Variants in RBFOX1 observed in about 807,000 individuals in gnomAD.
RBFOX1 encodes RNA binding protein fox-1 homolog 1.
A neutral mutation model predicts 57.7 loss-of-function variants in RBFOX1; 8 were observed. The ratio of observed to expected loss-of-function variants is 0.14; its 90% confidence interval spans 0.08 to 0.25. The LOEUF (loss-of-function observed/expected upper bound fraction) is 0.25, where lower values mean the gene tolerates loss of function less well. Ranked by LOEUF, RBFOX1 falls within the 10% of genes least tolerant of loss-of-function variation. RBFOX1 has a pLI of 1.00. For missense variants in RBFOX1, 611 were observed against 548.5 expected (o/e 1.11, Z -1.14); for synonymous variants, 326 against 222.4 (o/e 1.47, Z -4.15).
At chr16:7,671,691 C>G (rs1037975349) in intron 13 of RBFOX1, 6 of 1,181,186 alleles carry the variant, frequency 5.1e-6, no homozygotes, top group Non-Finnish European at 7.6e-6. Flanking sequence ...GGGAGGGGAA[C>G]AGTTCTCTAA....
At chr16:6,075,408 C>T (rs2095884224) in intron 1 of RBFOX1, among the ~76,000 whole-genome samples, 1 of 152,122 alleles carries the variant, frequency 6.6e-6, no homozygotes, top group South Asian at 2.1e-4. Flanking sequence ...ACAGAAATAG[C>T]AGAGAACAAT....
intron 4 of RBFOX1, among the ~76,000 whole-genome samples, chr16:7,099,612 C>T (rs1163318883): frequency 2.0e-5 from 3 of 152,040 alleles, no homozygotes; most frequent in Non-Finnish European, 4.4e-5. Flanking sequence ...CCTGAGGACA[C>T]GTGCCCAAGG....
chr16:7,335,613 A>G (rs75370732), intron 4 of RBFOX1, among the ~76,000 whole-genome samples: 4,965 of 149,808 alleles, frequency 0.033, 301 homozygotes, highest in African/African-American at 0.12. Context: ...AAAAAAACCA[A>G]GTGATTTACC....
intron 1 of RBFOX1, among the ~76,000 whole-genome samples, chr16:5,371,675 C>A (rs1458825600): frequency 6.6e-6 from 1 of 152,178 alleles, no homozygotes; most frequent in Non-Finnish European, 1.5e-5. Flanking sequence ...TTCTCTTTTT[C>A]CCACATTTTG....
chr16:7,401,097 T>A (rs1326061371), intron 4 of RBFOX1, among the ~76,000 whole-genome samples: 3 of 152,208 alleles, frequency 2.0e-5, no homozygotes, highest in Admixed American at 6.5e-5. Context: ...AGAATTTGCC[T>A]GAAGAGAGGG....
At chr16:7,215,165 T>A (rs2091828522) in intron 4 of RBFOX1, among the ~76,000 whole-genome samples, 1 of 152,178 alleles carries the variant, frequency 6.6e-6, no homozygotes, top group Admixed American at 6.5e-5. Context: ...GGTGTTTGGT[T>A]TTCTGTTCCT....
intron 3 of RBFOX1, among the ~76,000 whole-genome samples, chr16:7,011,026 C>G (rs912941772): frequency 6.6e-6 from 1 of 151,384 alleles, no homozygotes; most frequent in African/African-American, 2.4e-5. Context: ...GTTTTTATTT[C>G]AAGTCAATTT....
intron 3 of RBFOX1, among the ~76,000 whole-genome samples, chr16:5,622,300 A>C (rs17138221): frequency 0.042 from 6,466 of 152,238 alleles, 472 homozygotes; most frequent in African/African-American, 0.14. Context: ...CATGCTTCTC[A>C]AAATGGTGGG....
chr16:5,516,704 T>C (rs2043804948), intron 2 of RBFOX1, among the ~76,000 whole-genome samples: 1 of 152,140 alleles, frequency 6.6e-6, no homozygotes, highest in Non-Finnish European at 1.5e-5. Context: ...TGGAAGGTAA[T>C]TGAGTCATGG....
At chr16:5,455,025 C>CTTTCCT (rs1178366526) in intron 1 of RBFOX1, among the ~76,000 whole-genome samples, 6 of 79,444 alleles carry the variant, frequency 7.6e-5, no homozygotes, top group Non-Finnish European at 9.9e-5. Flanking sequence ...CTTTCTTTCT[C>CTTTCCT]TCTCTCTGTC....
rs986519358 is a variant in RBFOX1 at position 7,272,708 on chromosome 16, G to C, written c.27+220610G>C. On this transcript the variant is annotated intron_variant, in intron 4 of 15. Transcript: ENST00000550418. Reference sequence around the variant, plus strand: ...GAGGGAAACAAGGGAGAGGAGAGAGGAAGGGAGGAAACAGACGCAGCTGAG... The same window carrying C: ...GAGGGAAACAAGGGAGAGGAGAGAGCAAGGGAGGAAACAGACGCAGCTGAG... 1.3e-4 allele frequency among the ~76,000 whole-genome samples: 20 copies of C among 152,226 alleles called. No individual in the cohort carries two copies. In the East Asian group the frequency reaches 3.1e-3, roughly 24 times the overall value.
intron 1 of RBFOX1, among the ~76,000 whole-genome samples, chr16:6,182,290 A>G (rs997597621): frequency 9.2e-5 from 14 of 152,216 alleles, no homozygotes; most frequent in Admixed American, 7.2e-4. Context: ...TTTTTCCCCC[A>G]ATTTTACTCT....
chr16:5,579,510 C>T (rs1208507179), intron 2 of RBFOX1, among the ~76,000 whole-genome samples: 1 of 152,140 alleles, frequency 6.6e-6, no homozygotes, highest in East Asian at 1.9e-4. Context: ...TTCAACCCTC[C>T]TGCTGCTCAC....
At chr16:5,393,894 C>A (rs747797463) in intron 1 of RBFOX1, among the ~76,000 whole-genome samples, 1 of 152,204 alleles carries the variant, frequency 6.6e-6, no homozygotes, top group Non-Finnish European at 1.5e-5. Context: ...TCCCCCTAAG[C>A]CCTGTGATCT....
At chr16:5,886,707 G>T (rs2057907729) in intron 4 of RBFOX1, among the ~76,000 whole-genome samples, 1 of 152,174 alleles carries the variant, frequency 6.6e-6, no homozygotes, top group Non-Finnish European at 1.5e-5. Flanking sequence ...GGCCAATATG[G>T]GGAAACCCTG....
intron 3 of RBFOX1, among the ~76,000 whole-genome samples, chr16:5,859,767 G>C (rs1234968209): frequency 6.6e-6 from 1 of 152,168 alleles, no homozygotes; most frequent in Non-Finnish European, 1.5e-5. Flanking sequence ...AATCAGAGAG[G>C]CTAAGTCACT....
intron 3 of RBFOX1, among the ~76,000 whole-genome samples, chr16:5,759,623 C>G (rs74006257): frequency 0.024 from 3,618 of 152,230 alleles, 146 homozygotes; most frequent in African/African-American, 0.081. Flanking sequence ...TGTGCTAGAT[C>G]TCCATTTGGG....
At chr16:6,964,172 C>T (rs2083598199) in intron 3 of RBFOX1, among the ~76,000 whole-genome samples, 1 of 152,124 alleles carries the variant, frequency 6.6e-6, no homozygotes, top group African/African-American at 2.4e-5. Flanking sequence ...CATGTGCCAA[C>T]ATGCCTGGCT....
intron 3 of RBFOX1, among the ~76,000 whole-genome samples, chr16:5,687,046 C>T (rs2050525759): frequency 6.6e-6 from 1 of 152,180 alleles, no homozygotes; most frequent in African/African-American, 2.4e-5. Context: ...AAGGATTACT[C>T]ACTCATATTG....
Sources: allele counts gnomAD v4.1 joint callset (sites outside exome capture counted in the v4.1 genomes callset), GRCh38; gene constraint gnomAD v4.1.1; transcripts MANE v1.5; gene names NCBI Gene and HGNC (gene_info 2026-07-23, HGNC 2026-07-21).